ARHGAP26: variants seen among roughly 807,000 people sequenced by gnomAD.
ARHGAP26 encodes the protein rho GTPase-activating protein 26.
In ARHGAP26, 38 loss-of-function variants were observed where a neutral mutation model predicts 104.8. That is an observed-to-expected ratio of 0.36 (90% confidence interval 0.28 to 0.48). The LOEUF is 0.48. ARHGAP26 is among the 20% of genes least tolerant of loss of function. The pLI, the probability that ARHGAP26 is intolerant of heterozygous loss-of-function variation, is 0.99. For synonymous variants in ARHGAP26, 341 were observed against 340.0 expected (o/e 1.00, Z -0.03); for missense variants, 704 against 947.9 (o/e 0.74, Z 3.38).
At chr5:142,867,470 C>T (rs1407795271) in intron 1 of ARHGAP26, among the ~76,000 whole-genome samples, 2 of 152,046 alleles carry the variant, frequency 1.3e-5, no homozygotes, top group East Asian at 1.9e-4. Context: ...AATGGGGAGT[C>T]GTTGGAAATG....
intron 1 of ARHGAP26, among the ~76,000 whole-genome samples, chr5:142,801,555 T>A (rs1263210508): frequency 6.6e-6 from 1 of 151,926 alleles, no homozygotes; most frequent in Non-Finnish European, 1.5e-5. Context: ...GGGTACCTTG[T>A]CTGAATCCCT....
chr5:143,149,066 G>T (rs1199686811), intron 20 of ARHGAP26, among the ~76,000 whole-genome samples: 4 of 152,052 alleles, frequency 2.6e-5, no homozygotes, highest in African/African-American at 9.7e-5. Flanking sequence ...CTGAGGAGAA[G>T]GCTTGGGATT....
At chr5:142,899,321 C>A (rs1239646109) in intron 6 of ARHGAP26, among the ~76,000 whole-genome samples, 1 of 152,122 alleles carries the variant, frequency 6.6e-6, no homozygotes, top group Non-Finnish European at 1.5e-5. Context: ...TGGTGACAAT[C>A]CAGAGTGATG....
intron 11 of ARHGAP26, among the ~76,000 whole-genome samples, chr5:142,978,018 C>G (rs1773373598): frequency 6.6e-6 from 1 of 152,228 alleles, no homozygotes; most frequent in Admixed American, 6.5e-5. Context: ...CTCTTGACTC[C>G]TCTGACTTAT....
At chr5:142,771,054 A>G (rs1318217958) in intron 1 of ARHGAP26, 139 bp downstream of exon 1, 17 of 1,392,852 alleles carry the variant, frequency 1.2e-5, no homozygotes, top group Non-Finnish European at 1.5e-5. Flanking sequence ...CCTCCGAGGC[A>G]GGAAGGATAC....
At chr5:143,007,621 T>G (rs1018223284) in intron 11 of ARHGAP26, among the ~76,000 whole-genome samples, 1 of 152,248 alleles carries the variant, frequency 6.6e-6, no homozygotes, top group Non-Finnish European at 1.5e-5. Context: ...TCTGCCTAAA[T>G]CGAATCCTGG....
At chr5:143,215,714 A>G (rs2151412198) in intron 22 of ARHGAP26, among the ~76,000 whole-genome samples, 1 of 152,332 alleles carries the variant, frequency 6.6e-6, no homozygotes, top group Middle Eastern at 3.4e-3. Flanking sequence ...ATACAAATGG[A>G]ATTATATAGT....
chr5:142,912,298 A>G (rs570187208), intron 9 of ARHGAP26, among the ~76,000 whole-genome samples: 3 of 152,382 alleles, frequency 2.0e-5, no homozygotes, highest in African/African-American at 7.2e-5. Context: ...AAGTGAAAAA[A>G]GCCAGACAAA....
At chr5:143,066,910 A>T (rs1035008999) in intron 17 of ARHGAP26, among the ~76,000 whole-genome samples, 1 of 152,140 alleles carries the variant, frequency 6.6e-6, no homozygotes, top group Non-Finnish European at 1.5e-5. Flanking sequence ...CAAGTCTCAC[A>T]CTTCCCTGTG....
chr5:142,902,943 G>A (rs757681161), intron 7 of ARHGAP26, among the ~76,000 whole-genome samples: 1 of 152,190 alleles, frequency 6.6e-6, no homozygotes, highest in Non-Finnish European at 1.5e-5. Context: ...ATAGAGCTGT[G>A]ATGCAGATGC....
intron 20 of ARHGAP26, among the ~76,000 whole-genome samples, chr5:143,158,119 G>T (rs372178715): frequency 2.0e-5 from 3 of 152,226 alleles, no homozygotes; most frequent in African/African-American, 7.2e-5. Context: ...TTTGCTCTCA[G>T]ACTGCTCCCC....
chr5:142,977,319 A>G (rs989363651), intron 11 of ARHGAP26, among the ~76,000 whole-genome samples: 8 of 152,232 alleles, frequency 5.3e-5, no homozygotes, highest in South Asian at 2.1e-4. Context: ...GGTTCCTTTT[A>G]TTTCACAATT....
intron 11 of ARHGAP26, among the ~76,000 whole-genome samples, chr5:142,974,929 T>C (rs141912085): frequency 0.011 from 1,699 of 152,258 alleles, 24 homozygotes; most frequent in African/African-American, 0.039. Flanking sequence ...TACTTTTCAT[T>C]CCACCTGAAG....
At chr5:143,216,256 C>T (rs1193832189) in intron 22 of ARHGAP26, 1 of 471,286 alleles carries the variant, frequency 2.1e-6, no homozygotes, top group South Asian at 1.5e-5. Flanking sequence ...CCACCTCTCA[C>T]CTGGGCACTT....
intron 20 of ARHGAP26, among the ~76,000 whole-genome samples, chr5:143,197,824 A>T (rs1271396142): frequency 6.6e-6 from 1 of 152,092 alleles, no homozygotes; most frequent in East Asian, 1.9e-4. Flanking sequence ...GAGGTAGGGG[A>T]TTCTGTCATT....
At chr5:143,107,065 C>T (rs1368584481) in intron 17 of ARHGAP26, among the ~76,000 whole-genome samples, 1 of 152,110 alleles carries the variant, frequency 6.6e-6, no homozygotes, top group Non-Finnish European at 1.5e-5. Context: ...TGTTATTTGC[C>T]GTCGGAATGA....
At chr5:142,771,467 C>A in intron 1 of ARHGAP26, 1 of 1,185,898 alleles carries the variant, frequency 8.4e-7, no homozygotes, top group Non-Finnish European at 1.1e-6. Context: ...GCTTGCGATT[C>A]CTTGGAGTAT....
At chr5:142,810,805 A>C (rs1763926349) in intron 1 of ARHGAP26, among the ~76,000 whole-genome samples, 1 of 152,244 alleles carries the variant, frequency 6.6e-6, no homozygotes, top group Admixed American at 6.5e-5. Context: ...GAACAAGTAT[A>C]ATTCGCCCAA....
chr5:142,791,412 A>C (rs1759783427), intron 1 of ARHGAP26, among the ~76,000 whole-genome samples: 1 of 152,146 alleles, frequency 6.6e-6, no homozygotes, highest in Admixed American at 6.5e-5. Flanking sequence ...TTTATCAGGT[A>C]GGGGAAAGGG....
Sources: gnomAD v4.1 joint callset for allele counts (sites outside exome capture counted in the v4.1 genomes callset) on GRCh38, gnomAD v4.1.1 for gene constraint, MANE v1.5 for transcripts, NCBI Gene and HGNC (gene_info 2026-07-23, HGNC 2026-07-21) for gene names.